The following ZNF736 variants were observed in gnomAD, a reference collection of about 807,000 sequenced individuals.
ZNF736 encodes zinc finger protein 736.
A neutral mutation model predicts 11.7 loss-of-function variants in ZNF736; 6 were observed. The ratio of observed to expected loss-of-function variants is 0.51; its 90% CI spans 0.28 to 1.01. The LOEUF is 1.01. Among genes scored for constraint, ZNF736 ranks in the 50% least tolerant of loss-of-function variants. ZNF736 has a pLI of 0.09. For missense variants in ZNF736, 444 were observed against 496.0 expected (o/e 0.90, Z 1.00); for synonymous variants, 139 against 164.7 (o/e 0.84, Z 1.19).
rs373692008 is a variant in ZNF736 at position 64,349,200 on chromosome 7, T to G, written c.*53T>G. 7.7e-4 allele frequency: 1,050 copies of G among 1,359,468 alleles called. 5 individuals are homozygous for G. The African/African-American group carries it at 0.013, about 16-fold the overall frequency. The allele number at this position is 1,359,468 out of a possible 1,614,324, so 84.2% of individuals were successfully genotyped here. The stretch of plus-strand genomic sequence containing the variant: ...TCATACTGTGTTCAACATCTGAAAT[T>G]TAATACTGAACAAATGCAGTATAAA... On this transcript the variant is annotated 3_prime_UTR_variant, in exon 4 of 4. Transcript: ENST00000423484.
At chr7:64,316,341 A>T (rs1788917941) in intron 1 of ZNF736, among the ~76,000 whole-genome samples, 1 of 152,360 alleles carries the variant, frequency 6.6e-6, no homozygotes, top group East Asian at 1.9e-4. Context: ...TCTTGCAGAC[A>T]CATTGGTGGT....
chr7:64,343,309 C>A (rs1206190979), intron 3 of ZNF736, among the ~76,000 whole-genome samples: 5 of 152,032 alleles, frequency 3.3e-5, no homozygotes, highest in East Asian at 1.9e-4. Flanking sequence ...TGGAAAAAAA[C>A]CAGAAAGGCA....
chr7:64,329,951 G>A (rs1347353436), intron 1 of ZNF736, among the ~76,000 whole-genome samples: 1 of 152,042 alleles, frequency 6.6e-6, no homozygotes, highest in Non-Finnish European at 1.5e-5. Flanking sequence ...GGCTTAGCTG[G>A]CACCGAGGCC....
intron 3 of ZNF736, among the ~76,000 whole-genome samples, chr7:64,344,172 C>T (rs1055869891): frequency 9.2e-5 from 14 of 152,120 alleles, no homozygotes; most frequent in African/African-American, 3.1e-4. Flanking sequence ...TGTGGTGGTG[C>T]GCGCCTATAA....
intron 1 of ZNF736, among the ~76,000 whole-genome samples, chr7:64,330,144 A>C (rs981109389): frequency 1.3e-5 from 2 of 150,610 alleles, no homozygotes; most frequent in African/African-American, 5.0e-5. Flanking sequence ...CTTTTGCTTC[A>C]GGGAAGTGGG....
rs192531750 is a variant in ZNF736, at chr7:64,341,163, A to G, written c.226+4181A>G. The stretch of plus-strand genomic sequence containing the variant: ...CAATTATTTTTCTGCCACAATTTCT[A>G]CTGGTTTCTTTTTTTAAAATCTTTG... On this transcript the variant is annotated intron_variant, in intron 3 of 3. Coordinates refer to ENST00000423484, the MANE Select transcript of ZNF736 (RefSeq NM_001170905.3). 4.6e-3 allele frequency among the ~76,000 whole-genome samples: 703 copies of G among 151,894 alleles called. 3 individuals are homozygous for G. Among genetic ancestry groups the G allele is most frequent in the African/African-American group, 0.016 (659 of 41,446 alleles).
chr7:64,326,589 C>T (rs1480729703), intron 1 of ZNF736, among the ~76,000 whole-genome samples: 2 of 151,586 alleles, frequency 1.3e-5, no homozygotes, highest in Admixed American at 6.6e-5. Flanking sequence ...TTTATTTTTT[C>T]CTTCTAATTT....
rs1378709915 is a variant in ZNF736 at position 64,348,635 on chromosome 7, A to G, written c.772A>G (p.Lys258Glu). 1.2e-5 allele frequency: 20 copies of G among 1,606,814 alleles called. No individual in the cohort carries two copies. The highest frequency in any genetic ancestry group is 1.6e-5 in the Non-Finnish European group (19 of 1,176,538). The change falls in exon 4 of 4, where the codon AAA becomes GAA. Residue 258 changes from lysine to glutamate, a missense_variant. Coordinates refer to ENST00000423484, the MANE Select transcript of ZNF736 (RefSeq NM_001170905.3). ...KRNHTGDRPYKCEECGKAFKC... is the reference protein window; with the variant it reads ...KRNHTGDRPYECEECGKAFKC... Reference sequence around the variant, plus strand: ...AAATCATACTGGAGACAGACCCTACAAATGTGAAGAATGTGGCAAAGCCTT... The same window carrying G: ...AAATCATACTGGAGACAGACCCTACGAATGTGAAGAATGTGGCAAAGCCTT...
chr7:64,320,742 C>A (rs1199273354), intron 1 of ZNF736, among the ~76,000 whole-genome samples: 2 of 152,068 alleles, frequency 1.3e-5, no homozygotes, highest in Admixed American at 6.6e-5. Context: ...TTAAAATGTA[C>A]TTTGAAATCT....
intron 3 of ZNF736, among the ~76,000 whole-genome samples, chr7:64,337,741 G>GTT (rs1383507756): frequency 0.17 from 12,084 of 69,108 alleles, 935 homozygotes; most frequent in African/African-American, 0.31. Context: ...GTTTTGTTTT[G>GTT]TTTTGTTTTT....
intron 1 of ZNF736, among the ~76,000 whole-genome samples, chr7:64,315,277 G>A (rs1249383721): frequency 1.3e-5 from 2 of 152,012 alleles, no homozygotes; most frequent in South Asian, 2.1e-4. Context: ...AATACAAATA[G>A]TTTACTTGCA....
chr7:64,344,353 T>G (rs1789380740), intron 3 of ZNF736, among the ~76,000 whole-genome samples: 1 of 152,332 alleles, frequency 6.6e-6, no homozygotes, highest in Admixed American at 6.5e-5. Flanking sequence ...AGTTATATAG[T>G]TCAGCTTTGT....
intron 1 of ZNF736, among the ~76,000 whole-genome samples, chr7:64,316,338 G>A (rs1199443635): frequency 2.6e-5 from 4 of 152,302 alleles, no homozygotes; most frequent in East Asian, 1.9e-4. Flanking sequence ...ATTTCTTGCA[G>A]ACACATTGGT....
chr7:64,329,462 G>A (rs1789129069), intron 1 of ZNF736, among the ~76,000 whole-genome samples: 1 of 152,144 alleles, frequency 6.6e-6, no homozygotes, highest in Non-Finnish European at 1.5e-5. Flanking sequence ...AGTCATATCT[G>A]CATTAGGGGG....
intron 1 of ZNF736, among the ~76,000 whole-genome samples, chr7:64,319,268 G>A (rs555694553): frequency 2.3e-4 from 34 of 146,330 alleles, no homozygotes; most frequent in East Asian, 6.1e-4. Context: ...GTGTGTGTGT[G>A]TATATATAAA....
intron 3 of ZNF736, 87 bp from the exon 4 acceptor site, chr7:64,347,992 ATTTTATTATCG>A (rs925333609): frequency 1.4e-4 from 152 of 1,051,936 alleles, no homozygotes; most frequent in Non-Finnish European, 1.8e-4. Flanking sequence ...AGCCTGTGGT[ATTTTATTATCG>A]TTTTATTAAT....
intron 1 of ZNF736, among the ~76,000 whole-genome samples, chr7:64,323,964 AC>A (rs375092228): frequency 7.7e-4 from 117 of 152,318 alleles, no homozygotes; most frequent in African/African-American, 2.7e-3. Context: ...CATAGTAAAC[AC>A]ATACCAACTA....
At chr7:64,326,198 C>T (rs1584267269) in intron 1 of ZNF736, among the ~76,000 whole-genome samples, 1 of 152,264 alleles carries the variant, frequency 6.6e-6, no homozygotes, top group African/African-American at 2.4e-5. Flanking sequence ...AAACACTGTA[C>T]AGAATTACCA....
intron 1 of ZNF736, among the ~76,000 whole-genome samples, chr7:64,333,621 G>T (rs1789204192): frequency 6.6e-6 from 1 of 150,402 alleles, no homozygotes; most frequent in Non-Finnish European, 1.5e-5. Flanking sequence ...TTCCTCTCTA[G>T]GATGCTAAAG....
Sources: gnomAD v4.1 joint callset for allele counts (sites outside exome capture counted in the v4.1 genomes callset) on GRCh38, gnomAD v4.1.1 for gene constraint, MANE v1.5 for transcripts, NCBI Gene and HGNC (gene_info 2026-07-23, HGNC 2026-07-21) for gene names.